TCF7L1: variants seen among roughly 807,000 people sequenced by gnomAD.
TCF7L1 encodes transcription factor 7 like 1.
Under a neutral mutation model 63.7 loss-of-function variants are expected in TCF7L1, and 18 were observed. That is an observed-to-expected ratio of 0.28 (90% CI 0.20 to 0.42). TCF7L1 has a LOEUF of 0.42. Ranked by LOEUF, TCF7L1 falls within the 10% of genes least tolerant of loss-of-function variation. The pLI, the probability that TCF7L1 is intolerant of heterozygous loss-of-function variation, is 1.00. For missense variants in TCF7L1, 654 were observed against 779.3 expected (o/e 0.84, Z 1.91); for synonymous variants, 355 against 340.9 (o/e 1.04, Z -0.46).
intron 3 of TCF7L1, among the ~76,000 whole-genome samples, chr2:85,241,437 GTTT>G (rs772334481): frequency 2.4e-3 from 199 of 83,010 alleles, no homozygotes; most frequent in African/African-American, 7.2e-3. Context: ...CTTTGTTTTT[GTTT>G]TTTTTTTTTT....
At chr2:85,248,580 T>C (rs17026102) in intron 3 of TCF7L1, among the ~76,000 whole-genome samples, 3,413 of 152,298 alleles carry the variant, frequency 0.022, 129 homozygotes, top group African/African-American at 0.078. Flanking sequence ...GGTGAACACC[T>C]GACAACATTT....
intron 3 of TCF7L1, among the ~76,000 whole-genome samples, chr2:85,215,555 T>C (rs1357090078): frequency 1.3e-5 from 2 of 152,118 alleles, no homozygotes; most frequent in African/African-American, 2.4e-5. Flanking sequence ...TGGCCAACAG[T>C]GTACCCACGT....
At chr2:85,135,208 T>C (rs1677563891) in intron 3 of TCF7L1, among the ~76,000 whole-genome samples, 1 of 152,120 alleles carries the variant, frequency 6.6e-6, no homozygotes, top group Non-Finnish European at 1.5e-5. Context: ...GCGGATTCCT[T>C]CGCCCCCTCT....
chr2:85,230,961 A>G (rs974667054), intron 3 of TCF7L1, among the ~76,000 whole-genome samples: 1 of 152,164 alleles, frequency 6.6e-6, no homozygotes, highest in Non-Finnish European at 1.5e-5. Context: ...CTAAGTTTGG[A>G]CAGATCCCTG....
At chr2:85,293,475 G>C (rs1022295932) in intron 4 of TCF7L1, among the ~76,000 whole-genome samples, 1 of 152,126 alleles carries the variant, frequency 6.6e-6, no homozygotes, top group Non-Finnish European at 1.5e-5. Flanking sequence ...CCCAGGAGCC[G>C]AGCAGGTGCC....
At chr2:85,173,461 C>T (rs4832145) in intron 3 of TCF7L1, among the ~76,000 whole-genome samples, 11,048 of 152,052 alleles carry the variant, frequency 0.073, 879 homozygotes, top group African/African-American at 0.18. Flanking sequence ...GGAGGAGGGG[C>T]GCATGATTTT....
chr2:85,154,800 A>C (rs952470837), intron 3 of TCF7L1, among the ~76,000 whole-genome samples: 1 of 152,016 alleles, frequency 6.6e-6, no homozygotes, highest in Non-Finnish European at 1.5e-5. Flanking sequence ...TTTGCCGTCC[A>C]AGTGAGTGAG....
chr2:85,296,349 T>C (rs905045042), intron 4 of TCF7L1, among the ~76,000 whole-genome samples: 1 of 152,188 alleles, frequency 6.6e-6, no homozygotes, highest in African/African-American at 2.4e-5. Context: ...TTGTCTGATG[T>C]TTCGTCATGG....
intron 10 of TCF7L1, among the ~76,000 whole-genome samples, chr2:85,307,245 T>A (rs1030422934): frequency 1.3e-5 from 2 of 152,166 alleles, no homozygotes; most frequent in African/African-American, 4.8e-5. Context: ...CCAAGCCAAT[T>A]TTCGCATGCG....
chr2:85,170,636 C>G (rs1574089051), intron 3 of TCF7L1, among the ~76,000 whole-genome samples: 1 of 152,188 alleles, frequency 6.6e-6, no homozygotes, highest in African/African-American at 2.4e-5. Context: ...CTCGCTCTCT[C>G]TCTTTCTGCT....
rs1219464961 is a variant in TCF7L1, at chr2:85,134,588, C to T, written c.441+138C>T. The T allele has an allele frequency of 1.0e-5, 13 of 1,262,802 alleles. No individual in the cohort carries two copies. Among genetic ancestry groups the T allele is most frequent in the Non-Finnish European group, 1.4e-5 (13 of 940,070 alleles). The allele number at this position is 1,262,802 out of a possible 1,614,324, so 78.2% of individuals were successfully genotyped here. A position where few individuals can be genotyped will look rare whatever the true frequency, so the allele number is the denominator to read the frequency against. On this transcript the variant is annotated intron_variant, in intron 3 of 11. Coordinates refer to ENST00000282111, the MANE Select transcript of TCF7L1 (RefSeq NM_031283.3). The surrounding 1 kb of genome is among the most constrained non-coding windows in gnomAD (Gnocchi z 5.0). ...AACTTGTTTGCGGAGTTGAACTACT[C>T]TCTGGCGGCCGAGCGCGAGGCTGCG...
At chr2:85,195,986 G>T (rs960152461) in intron 3 of TCF7L1, among the ~76,000 whole-genome samples, 2 of 152,222 alleles carry the variant, frequency 1.3e-5, no homozygotes, top group African/African-American at 4.8e-5. Context: ...GTGGTTCCCA[G>T]TCTTGCTGGG....
At chr2:85,211,310 A>T (rs1363452389) in intron 3 of TCF7L1, among the ~76,000 whole-genome samples, 1 of 152,226 alleles carries the variant, frequency 6.6e-6, no homozygotes, top group Non-Finnish European at 1.5e-5. Context: ...AGGTGTGTGC[A>T]CAGCACTGCC....
chr2:85,305,518 A>T, intron 8 of TCF7L1, 115 bp downstream of exon 8: 1 of 1,297,590 alleles, frequency 7.7e-7, no homozygotes, highest in Non-Finnish European at 1.0e-6. Context: ...CTCAGCAGGC[A>T]TCACAGCCTC....
At chr2:85,252,693 G>T (rs924971416) in intron 3 of TCF7L1, among the ~76,000 whole-genome samples, 3 of 152,246 alleles carry the variant, frequency 2.0e-5, no homozygotes, top group African/African-American at 7.2e-5. Context: ...CATCAGAGTA[G>T]AGTAAGTGTG....
At chr2:85,140,076 T>C (rs1349588949) in intron 3 of TCF7L1, among the ~76,000 whole-genome samples, 1 of 152,180 alleles carries the variant, frequency 6.6e-6, no homozygotes, top group African/African-American at 2.4e-5. Flanking sequence ...GATTCTTGTC[T>C]GTACCTCTTT....
At chr2:85,162,800 C>T (rs1190344779) in intron 3 of TCF7L1, among the ~76,000 whole-genome samples, 1 of 152,102 alleles carries the variant, frequency 6.6e-6, no homozygotes, top group African/African-American at 2.4e-5. Flanking sequence ...TTCTGGTTCA[C>T]CTTTGAGCTG....
rs58016100 is a variant in TCF7L1, at chr2:85,226,816, C to CT, written c.442-56661dup. On this transcript the variant is annotated intron_variant, in intron 3 of 11. Coordinates refer to ENST00000282111, the MANE Select transcript of TCF7L1 (RefSeq NM_031283.3). ...TCCCTTTCTGTTTATCTCCCCCCGC[C>CT]TTTTTTTTTTTTTTTTTTAACCTCC... Among the ~76,000 whole-genome samples the CT allele has an allele frequency of 8.6e-3, 1,176 of 137,442 alleles. 30 individuals carry two copies. The East Asian group carries it at 0.086, about 10-fold the overall frequency. 90.2% of individuals were successfully genotyped at this position (137,442 alleles called of 152,430 possible). A position where few individuals can be genotyped will look rare whatever the true frequency, so the allele number is the denominator to read the frequency against.
At chr2:85,248,094 A>C (rs1405031664) in intron 3 of TCF7L1, among the ~76,000 whole-genome samples, 1 of 152,156 alleles carries the variant, frequency 6.6e-6, no homozygotes, top group African/African-American at 2.4e-5. Context: ...ACCTACTTTT[A>C]AACCAGGAGT....
Sources: allele counts gnomAD v4.1 joint callset (sites outside exome capture counted in the v4.1 genomes callset), GRCh38; gene constraint gnomAD v4.1.1; non-coding constraint Gnocchi (gnomAD v3.1); transcripts MANE v1.5; gene names NCBI Gene and HGNC (gene_info 2026-07-23, HGNC 2026-07-21).